NCKAP5: variants seen among roughly 807,000 people sequenced by gnomAD.
The protein encoded by NCKAP5 is nck-associated protein 5.
Under a neutral mutation model 167.0 loss-of-function variants are expected in NCKAP5, and 92 were observed. The observed-to-expected ratio is 0.55, with a 90% CI of 0.47 to 0.66. NCKAP5 has a LOEUF of 0.66. Ranked by LOEUF, NCKAP5 falls within the 30% of genes least tolerant of loss-of-function variation. The pLI is 0.00. For synonymous variants in NCKAP5, 891 were observed against 877.4 expected (o/e 1.02, Z -0.27); for missense variants, 2,378 against 2,315.0 (o/e 1.03, Z -0.56).
chr2:132,972,138 A>T (rs2149239301), intron 7 of NCKAP5, among the ~76,000 whole-genome samples: 1 of 152,290 alleles, frequency 6.6e-6, no homozygotes, highest in Admixed American at 6.5e-5. Context: ...GGTGTAACCA[A>T]ACAAGCTGAT....
chr2:133,049,764 G>A (rs1407761803), intron 6 of NCKAP5, among the ~76,000 whole-genome samples: 2 of 152,060 alleles, frequency 1.3e-5, no homozygotes, highest in African/African-American at 2.4e-5. Flanking sequence ...TGACTCCAGT[G>A]CTCCAGCATG....
At chr2:133,065,412 G>A (rs1268270157) in intron 6 of NCKAP5, among the ~76,000 whole-genome samples, 5 of 152,034 alleles carry the variant, frequency 3.3e-5, no homozygotes, top group Non-Finnish European at 7.4e-5. Context: ...AGATCACAAG[G>A]TCAACAGATC....
chr2:133,346,719 T>C (rs797008785), intron 3 of NCKAP5, among the ~76,000 whole-genome samples: 16 of 152,258 alleles, frequency 1.1e-4, no homozygotes, highest in African/African-American at 3.9e-4. Flanking sequence ...GATGAGAACT[T>C]GTGAATAAAT....
chr2:133,488,670 C>G (rs760316394), intron 3 of NCKAP5, among the ~76,000 whole-genome samples: 8 of 152,020 alleles, frequency 5.3e-5, no homozygotes, highest in Non-Finnish European at 1.0e-4. Context: ...CCATCTCTAC[C>G]AAATTAAATT....
intron 6 of NCKAP5, among the ~76,000 whole-genome samples, chr2:133,007,363 T>C (rs542312834): frequency 1.1e-4 from 16 of 152,322 alleles, no homozygotes; most frequent in African/African-American, 3.1e-4. Context: ...GGGCAGAAAA[T>C]TGGCTTCTTG....
intron 3 of NCKAP5, among the ~76,000 whole-genome samples, chr2:133,496,107 C>T (rs746916016): frequency 3.9e-5 from 6 of 152,128 alleles, no homozygotes; most frequent in Non-Finnish European, 7.3e-5. Flanking sequence ...GACATGCAGA[C>T]GTTACTTGCT....
intron 7 of NCKAP5, among the ~76,000 whole-genome samples, chr2:132,989,535 T>C (rs1478563240): frequency 6.6e-6 from 1 of 152,206 alleles, no homozygotes; most frequent in Non-Finnish European, 1.5e-5. Flanking sequence ...CCTAGGGGCA[T>C]ATGTCACCTT....
At chr2:133,218,857 T>C (rs2086540092) in intron 4 of NCKAP5, among the ~76,000 whole-genome samples, 1 of 152,224 alleles carries the variant, frequency 6.6e-6, no homozygotes, top group Non-Finnish European at 1.5e-5. Context: ...TGTCACACTG[T>C]AATGTGCTTC....
chr2:132,943,852 C>A (rs1457990750), intron 8 of NCKAP5, among the ~76,000 whole-genome samples: 1 of 152,178 alleles, frequency 6.6e-6, no homozygotes, highest in South Asian at 2.1e-4. Context: ...GGTGAAAAGA[C>A]CTTACCAATG....
chr2:133,070,046 T>C (rs1038319913), intron 6 of NCKAP5, among the ~76,000 whole-genome samples: 1 of 152,104 alleles, frequency 6.6e-6, no homozygotes. Context: ...CTTACATATA[T>C]GGTGGTAATC....
intron 6 of NCKAP5, among the ~76,000 whole-genome samples, chr2:133,071,949 A>G (rs1243256208): frequency 1.3e-5 from 2 of 152,188 alleles, no homozygotes; most frequent in African/African-American, 4.8e-5. Context: ...ATGAACTCAT[A>G]ATATTGAAGA....
chr2:133,574,583 G>C, the NCKAP5 span, among the ~76,000 whole-genome samples: 1 of 150,926 alleles, frequency 6.6e-6, no homozygotes, highest in African/African-American at 2.4e-5. Context: ...GAGTGGGCTG[G>C]AGTTGCATTT....
intron 4 of NCKAP5, among the ~76,000 whole-genome samples, chr2:133,236,070 CAAAAAAAAA>C (rs527705526): frequency 1.3e-4 from 2 of 15,656 alleles, no homozygotes; most frequent in Non-Finnish European, 1.7e-4. Flanking sequence ...TGTCTCAGAC[CAAAAAAAAA>C]AAAAAAAAAA....
chr2:133,233,919 T>C (rs951534015), intron 4 of NCKAP5, among the ~76,000 whole-genome samples: 1 of 152,162 alleles, frequency 6.6e-6, no homozygotes, highest in African/African-American at 2.4e-5. Flanking sequence ...TGGCTATTAA[T>C]GGAAATTTTA....
At chr2:133,076,130 A>C (rs1355729424) in intron 6 of NCKAP5, among the ~76,000 whole-genome samples, 20 of 152,244 alleles carry the variant, frequency 1.3e-4, no homozygotes, top group Non-Finnish European at 2.9e-5. Context: ...ATTAATATAG[A>C]ACCATACATA....
intron 3 of NCKAP5, among the ~76,000 whole-genome samples, chr2:133,362,085 T>C (rs1244913995): frequency 1.3e-5 from 2 of 151,890 alleles, no homozygotes; most frequent in African/African-American, 4.8e-5. Context: ...ATAGGGAGTG[T>C]TAGGTTAAGG....
chr2:132,898,271 C>A (rs992330717), intron 8 of NCKAP5, among the ~76,000 whole-genome samples: 1 of 152,214 alleles, frequency 6.6e-6, no homozygotes, highest in Admixed American at 6.5e-5. Context: ...CAGGTTGGAG[C>A]AATTCAGTCA....
At chr2:132,689,182 A>G (rs1686392635) in intron 19 of NCKAP5, among the ~76,000 whole-genome samples, 1 of 151,924 alleles carries the variant, frequency 6.6e-6, no homozygotes, top group African/African-American at 2.4e-5. Context: ...ACAACCATTC[A>G]CTCTAGATTA....
chr2:132,740,719 A>T (rs1447907366), intron 16 of NCKAP5, among the ~76,000 whole-genome samples: 1 of 152,146 alleles, frequency 6.6e-6, no homozygotes, highest in Admixed American at 6.6e-5. Context: ...AAGCAGGATA[A>T]TATAAATGTG....
Sources: allele counts gnomAD v4.1 joint callset (sites outside exome capture counted in the v4.1 genomes callset), GRCh38; gene constraint gnomAD v4.1.1; transcripts MANE v1.5; gene names NCBI Gene and HGNC (gene_info 2026-07-23, HGNC 2026-07-21).